The following CERS3 variants were observed in gnomAD, a reference collection of about 807,000 sequenced individuals.
CERS3 encodes ceramide synthase 3, also known as LAG1 homolog, ceramide synthase 3.
Under a neutral mutation model 50.3 loss-of-function variants are expected in CERS3, and 33 were observed. The observed-to-expected ratio is 0.66, with a 90% CI of 0.50 to 0.88. The LOEUF (loss-of-function observed/expected upper bound fraction) is 0.88. Ranked by LOEUF, CERS3 falls within the 40% of genes least tolerant of loss-of-function variation. The probability of loss-of-function intolerance (pLI) is 0.00; values close to 1 mark genes in which losing one functional copy is unlikely to be tolerated. For synonymous variants in CERS3, 176 were observed against 155.2 expected (o/e 1.13, Z -0.99); for missense variants, 470 against 460.3 (o/e 1.02, Z -0.19).
rs1236184267 is a variant in CERS3 at position 100,401,229 on chromosome 15, T to C, written c.*1484A>G. 1 of 152,124 alleles carries C rather than the reference T, an allele frequency of 6.6e-6. No individual in the cohort carries two copies. Among genetic ancestry groups the C allele is most frequent in the Non-Finnish European group, 1.5e-5 (1 of 68,016 alleles). 9.4% of individuals were successfully genotyped at this position (152,124 alleles called of 1,614,324 possible). Reference sequence around the variant, plus strand: ...AGGATGAACATACAAAATCTGACCGTTATGAGAGACTGTGCCAGGTGGTGA... The same window carrying C: ...AGGATGAACATACAAAATCTGACCGCTATGAGAGACTGTGCCAGGTGGTGA... On this transcript the variant is annotated 3_prime_UTR_variant, in exon 12 of 12. Coordinates refer to ENST00000679737, the MANE Select transcript of CERS3 (RefSeq NM_001378789.1).
chr15:100,401,770 A>T lies in CERS3; in HGVS notation c.*943T>A, dbSNP rs2030555213. ...CCCAGGTACTGTGCTGGCCTGAAGGAAGGGCTCAGGGCAGCAGCACAGAAG... is the reference window on the plus strand; with the variant it reads ...CCCAGGTACTGTGCTGGCCTGAAGGTAGGGCTCAGGGCAGCAGCACAGAAG... On this transcript the variant is annotated 3_prime_UTR_variant, in exon 12 of 12. Transcript: ENST00000679737. The T allele has an allele frequency of 1.3e-5, 2 of 152,232 alleles. No individual in the cohort carries two copies. Among genetic ancestry groups the T allele is most frequent in the South Asian group, 2.1e-4 (1 of 4,832 alleles). 9.4% of individuals were successfully genotyped at this position (152,232 alleles called of 1,614,324 possible).
intron 3 of CERS3, among the ~76,000 whole-genome samples, chr15:100,498,441 TTAGCTTGCCAGC>T (rs1188971531): frequency 6.6e-6 from 1 of 152,130 alleles, no homozygotes; most frequent in East Asian, 1.9e-4. Flanking sequence ...AACTTAGAGA[TTAGCTTGCCAGC>T]TAGCTTGCCT....
intron 11 of CERS3, among the ~76,000 whole-genome samples, chr15:100,438,790 T>A (rs988979060): frequency 1.3e-5 from 2 of 152,204 alleles, no homozygotes; most frequent in African/African-American, 2.4e-5. Flanking sequence ...CATGCTACAG[T>A]TCCCCCCGCA....
At chr15:100,520,517 G>A (rs562072513) in intron 2 of CERS3, among the ~76,000 whole-genome samples, 4 of 152,154 alleles carry the variant, frequency 2.6e-5, no homozygotes, top group East Asian at 3.8e-4. Flanking sequence ...TTCTCACAGC[G>A]AGCACTTTCT....
chr15:100,429,484 A>G (rs2033001517), intron 11 of CERS3, among the ~76,000 whole-genome samples: 1 of 152,170 alleles, frequency 6.6e-6, no homozygotes, highest in Non-Finnish European at 1.5e-5. Context: ...CCCTAGCAGA[A>G]GACGCACACC....
At chr15:100,457,598 T>G (rs573064396) in intron 10 of CERS3, among the ~76,000 whole-genome samples, 53 of 152,350 alleles carry the variant, frequency 3.5e-4, no homozygotes, top group Non-Finnish European at 6.8e-4. Context: ...GTTTCCAGCT[T>G]TTGACATTTA....
intron 11 of CERS3, among the ~76,000 whole-genome samples, chr15:100,454,767 T>C (rs111672700): frequency 0.014 from 2,095 of 148,502 alleles, 54 homozygotes; most frequent in African/African-American, 0.049. Flanking sequence ...ACAATCAACA[T>C]AGTGAAGAGA....
chr15:100,519,347 G>A (rs2036579929), intron 2 of CERS3, among the ~76,000 whole-genome samples: 1 of 152,122 alleles, frequency 6.6e-6, no homozygotes, highest in Non-Finnish European at 1.5e-5. Flanking sequence ...TGCTGTGTGA[G>A]GGGATTCAGA....
intron 4 of CERS3, 151 bp from the exon 5 acceptor site, chr15:100,484,819 T>G: frequency 1.6e-6 from 1 of 636,560 alleles, no homozygotes; most frequent in Non-Finnish European, 2.8e-6. Flanking sequence ...TTACCTCTTT[T>G]GCTTATGGAA....
intron 11 of CERS3, among the ~76,000 whole-genome samples, chr15:100,445,876 T>C (rs10162989): frequency 0.46 from 69,329 of 152,074 alleles, 16,757 homozygotes; most frequent in Non-Finnish European, 0.54. Flanking sequence ...GGCCTGTTCC[T>C]GCCGTAACTG....
At chr15:100,491,038 G>C in intron 3 of CERS3, 107 bp from the exon 4 acceptor site, 1 of 702,754 alleles carries the variant, frequency 1.4e-6, no homozygotes. Context: ...TCAGTCATTT[G>C]TTTATGTTGA....
intron 3 of CERS3, among the ~76,000 whole-genome samples, chr15:100,496,314 G>T (rs1458361347): frequency 1.3e-5 from 2 of 151,932 alleles, no homozygotes; most frequent in Non-Finnish European, 2.9e-5. Context: ...GGATAAACAA[G>T]TTATAGTATA....
chr15:100,456,161 G>T, intron 10 of CERS3, 115 bp from the exon 11 acceptor site: 1 of 625,106 alleles, frequency 1.6e-6, no homozygotes, highest in African/African-American at 1.9e-5. Context: ...TTCTAATAAA[G>T]CCCAGAAAAT....
At chr15:100,463,753 C>A (rs987445462) in intron 10 of CERS3, among the ~76,000 whole-genome samples, 14 of 152,206 alleles carry the variant, frequency 9.2e-5, no homozygotes, top group African/African-American at 2.9e-4. Flanking sequence ...AGGGAGTGGC[C>A]CAGCTTCAAC....
intron 3 of CERS3, among the ~76,000 whole-genome samples, chr15:100,497,889 ACACACACTT>A (rs765577651): frequency 2.9e-5 from 1 of 34,154 alleles, no homozygotes; most frequent in Non-Finnish European, 6.3e-5. Flanking sequence ...ACACACACAC[ACACACACTT>A]TTTTTTTTTT....
chr15:100,509,323 AC>A, intron 2 of CERS3, among the ~76,000 whole-genome samples: 1 of 152,364 alleles, frequency 6.6e-6, no homozygotes, highest in Non-Finnish European at 1.5e-5. Flanking sequence ...TGACAGTCTA[AC>A]TTTTGCTGAT....
At chr15:100,527,676 T>A (rs999328803) in intron 1 of CERS3, among the ~76,000 whole-genome samples, 1 of 152,218 alleles carries the variant, frequency 6.6e-6, no homozygotes, top group Non-Finnish European at 1.5e-5. Context: ...ATTCCTCGTC[T>A]GAAAGTGGCG....
chr15:100,433,001 CTGAGGTGTG>C (rs1274971909), intron 11 of CERS3, among the ~76,000 whole-genome samples: 1 of 152,064 alleles, frequency 6.6e-6, no homozygotes, highest in Non-Finnish European at 1.5e-5. Context: ...CTTTGGGAGG[CTGAGGTGTG>C]TGGATCATGA....
chr15:100,492,174 G>T lies in CERS3; in HGVS notation c.174-1243C>A, dbSNP rs558505605. Among the ~76,000 whole-genome samples, 3 of 152,280 alleles carry T rather than the reference G, an allele frequency of 2.0e-5. No individual in the cohort carries two copies. The East Asian group carries it at 5.8e-4, about 29-fold the overall frequency. On this transcript the variant is annotated intron_variant, in intron 3 of 11. Transcript: ENST00000679737. ...GCATGTGAGAAGAATGTGTATTCTG[G>T]TGTTGTTGAGTAGAGTGTTCTATAG...
Sources: allele counts gnomAD v4.1 joint callset (sites outside exome capture counted in the v4.1 genomes callset), GRCh38; gene constraint gnomAD v4.1.1; transcripts MANE v1.5; gene names NCBI Gene and HGNC (gene_info 2026-07-23, HGNC 2026-07-21).